The following CAB39L variants were observed in gnomAD, a reference collection of about 807,000 sequenced individuals.
CAB39L encodes the protein calcium binding protein 39 like, also known as calcium-binding protein 39-like.
Under a neutral mutation model 39.1 loss-of-function variants are expected in CAB39L, and 23 were observed. The ratio of observed to expected loss-of-function variants is 0.59; its 90% CI spans 0.42 to 0.83. The LOEUF is 0.83. Among genes scored for constraint, CAB39L ranks in the 40% least tolerant of loss-of-function variants. The pLI is 0.00. For synonymous variants in CAB39L, 126 were observed against 137.2 expected, an observed-to-expected ratio of 0.92 and a Z score of 0.57; for missense variants, 366 against 391.9, an observed-to-expected ratio of 0.93 and a Z score of 0.56.
intron 3 of CAB39L, among the ~76,000 whole-genome samples, chr13:49,411,800 C>G (rs539169558): frequency 5.9e-5 from 9 of 152,220 alleles, no homozygotes; most frequent in Admixed American, 5.9e-4. Context: ...CATTCCTTAT[C>G]TATGAGGAAC....
At chr13:49,347,135 T>C (rs1343312952) in intron 7 of CAB39L, among the ~76,000 whole-genome samples, 3 of 152,184 alleles carry the variant, frequency 2.0e-5, no homozygotes, top group Non-Finnish European at 4.4e-5. Flanking sequence ...TTACATTATA[T>C]TAACCATAAG....
chr13:49,396,404 C>T (rs73186892), intron 3 of CAB39L, among the ~76,000 whole-genome samples: 20,756 of 151,816 alleles, frequency 0.14, 1,563 homozygotes, highest in Middle Eastern at 0.2. Context: ...ATAAACCTAC[C>T]ACCACATAAA....
At chr13:49,373,870 T>A (rs970126790) in intron 5 of CAB39L, among the ~76,000 whole-genome samples, 9 of 152,212 alleles carry the variant, frequency 5.9e-5, no homozygotes, top group African/African-American at 2.2e-4. Context: ...AAGCTGTCAG[T>A]AGCTTACATA....
chr13:49,323,724 A>G (rs889515557), intron 10 of CAB39L, among the ~76,000 whole-genome samples: 1 of 152,216 alleles, frequency 6.6e-6, no homozygotes, highest in Non-Finnish European at 1.5e-5. Context: ...TGTCAGAAAG[A>G]TTTTTTTAAA....
intron 1 of CAB39L, among the ~76,000 whole-genome samples, chr13:49,437,392 G>A (rs958132981): frequency 3.3e-5 from 5 of 152,074 alleles, no homozygotes; most frequent in African/African-American, 1.2e-4. Context: ...CCAGGTAGAT[G>A]GTGACCCTTC....
chr13:49,411,815 G>A (rs941223265), intron 3 of CAB39L, among the ~76,000 whole-genome samples: 10 of 152,084 alleles, frequency 6.6e-5, no homozygotes, highest in Non-Finnish European at 1.2e-4. Context: ...AGGAACATTC[G>A]AGCCCCCAGC....
chr13:49,401,128 C>T (rs1393173590), intron 3 of CAB39L: 1 of 152,102 alleles, frequency 6.6e-6, no homozygotes, highest in Non-Finnish European at 1.5e-5. Context: ...CTTGTTGATA[C>T]TCACCAAATG....
chr13:49,336,708 C>T (rs1162198099), intron 9 of CAB39L, among the ~76,000 whole-genome samples: 1 of 152,180 alleles, frequency 6.6e-6, no homozygotes, highest in East Asian at 1.9e-4. Flanking sequence ...ACTCCAATTG[C>T]CATCTTCCTT....
At chr13:49,320,127 T>C (rs1342696587) in intron 10 of CAB39L, among the ~76,000 whole-genome samples, 1 of 152,192 alleles carries the variant, frequency 6.6e-6, no homozygotes, top group Non-Finnish European at 1.5e-5. Context: ...CATGATTCCC[T>C]TGGGGCAGCC....
chr13:49,327,800 G>T (rs893724598), intron 10 of CAB39L, among the ~76,000 whole-genome samples: 3 of 152,146 alleles, frequency 2.0e-5, no homozygotes, highest in African/African-American at 7.2e-5. Flanking sequence ...TTGTATTTGT[G>T]TAGCACAATT....
intron 6 of CAB39L, 124 bp downstream of exon 6, chr13:49,359,590 C>T (rs1955575160): frequency 2.1e-5 from 12 of 563,046 alleles, no homozygotes; most frequent in Non-Finnish European, 3.2e-5. Flanking sequence ...TGACCTCACA[C>T]ATGACAAATA....
At chr13:49,331,746 A>C (rs1954705295) in intron 10 of CAB39L, among the ~76,000 whole-genome samples, 1 of 152,096 alleles carries the variant, frequency 6.6e-6, no homozygotes, top group Non-Finnish European at 1.5e-5. Flanking sequence ...AAATATTTAG[A>C]TGTATGGATT....
chr13:49,351,071 C>A, intron 6 of CAB39L, 159 bp from the exon 7 acceptor site: 1 of 456,784 alleles, frequency 2.2e-6, no homozygotes, highest in Non-Finnish European at 3.7e-6. Context: ...ATGTGCCTGG[C>A]ACTATTGCAG....
chr13:49,375,290 C>T (rs1158198405), intron 5 of CAB39L, among the ~76,000 whole-genome samples: 1 of 152,056 alleles, frequency 6.6e-6, no homozygotes, highest in African/African-American at 2.4e-5. Context: ...CATGAAAGAG[C>T]AGAGCTGGGA....
At chr13:49,321,780 C>T (rs772427844) in intron 10 of CAB39L, among the ~76,000 whole-genome samples, 12 of 152,172 alleles carry the variant, frequency 7.9e-5, no homozygotes, top group Admixed American at 7.2e-4. Flanking sequence ...GAAATGGGAA[C>T]GCCTTCTTTC....
intron 3 of CAB39L, among the ~76,000 whole-genome samples, chr13:49,429,705 C>T (rs1056559668): frequency 4.6e-5 from 7 of 152,172 alleles, no homozygotes; most frequent in Non-Finnish European, 1.5e-5. Flanking sequence ...ACCTCACCAT[C>T]CCCAAGTACC....
chr13:49,414,520 T>C (rs1257603310), intron 3 of CAB39L, among the ~76,000 whole-genome samples: 1 of 152,144 alleles, frequency 6.6e-6, no homozygotes, highest in Non-Finnish European at 1.5e-5. Context: ...TTGAATAAAT[T>C]ATGTTATGCT....
chr13:49,367,056 C>G (rs1162094335), intron 5 of CAB39L, among the ~76,000 whole-genome samples: 1 of 152,060 alleles, frequency 6.6e-6, no homozygotes, highest in Non-Finnish European at 1.5e-5. Context: ...TGGGGTGGCT[C>G]ATGCCTATAA....
intron 9 of CAB39L, among the ~76,000 whole-genome samples, chr13:49,337,049 C>T (rs549526025): frequency 3.9e-5 from 6 of 152,244 alleles, no homozygotes; most frequent in Admixed American, 1.3e-4. Context: ...CCCATTAACA[C>T]CCAGTGAGGG....
Sources: gnomAD v4.1 joint callset for allele counts (sites outside exome capture counted in the v4.1 genomes callset) on GRCh38, gnomAD v4.1.1 for gene constraint, MANE v1.5 for transcripts, NCBI Gene and HGNC (gene_info 2026-07-23, HGNC 2026-07-21) for gene names.